Variants in PLEC observed in about 807,000 individuals in gnomAD.
PLEC encodes hemidesmosomal protein 1.
In PLEC, 216 loss-of-function variants were observed where a neutral mutation model predicts 392.8. That is an observed-to-expected ratio of 0.55 (90% CI 0.49 to 0.62). The LOEUF is 0.62. Among genes scored for constraint, PLEC ranks in the 20% least tolerant of loss-of-function variants. The probability of loss-of-function intolerance (pLI) is 0.00; values close to 1 mark genes in which losing one functional copy is unlikely to be tolerated. For synonymous variants in PLEC, 3,621 were observed against 2,980.6 expected (o/e 1.21, Z -7.00); for missense variants, 6,863 against 6,563.4 (o/e 1.05, Z -1.58).
Position 143,925,415 on chromosome 8 carries a change from T to C in PLEC, c.4514A>G (p.Asp1505Gly), listed in dbSNP as rs1293347940. The change falls in exon 31 of 32, where the codon GAC becomes GGC. Residue 1505 changes from aspartate (D) to glycine (G), a missense_variant. Transcript: ENST00000345136. ...EAERLRRQVQ[D>G]ESQRKRQAEV... is the part of the protein sequence containing the mutation. ...CGCCTGCCGCTTACGCTGGCTCTCG[T>C]CCTGCACCTGCCTCCGCAAGCGCTC... 1.3e-6 allele frequency: 2 copies of C among 1,593,458 alleles called. No homozygotes were observed. Among genetic ancestry groups the C allele is most frequent in the Non-Finnish European group, 1.7e-6 (2 of 1,177,272 alleles).
At chr8:143,955,429 C>G (rs111625088), upstream of PLEC, among the ~76,000 whole-genome samples, 6,606 of 152,212 alleles carry the variant, frequency 0.043, 500 homozygotes, top group African/African-American at 0.15. Flanking sequence ...TGCAGTGAGC[C>G]GAGATCGCGC....
Position 143,969,239 on chromosome 8 carries a change from G to A in PLEC, c.70+4164C>T, listed in dbSNP as rs1448884338. ...AGCCCTGACAGCGTCCCGGCAAGTC[G>A]AAGAGGCCAGACCCAGGGCCAGTAC... is the stretch of plus-strand genomic sequence containing the variant. On this transcript the variant is annotated intron_variant, in intron 1 of 31. Transcript: ENST00000356346. The surrounding 1 kb of genome is among the most constrained non-coding windows in gnomAD (Gnocchi z 5.1). Among the ~76,000 whole-genome samples the A allele has an allele frequency of 6.6e-6, 1 of 152,188 alleles. No homozygotes were observed. The highest frequency in any genetic ancestry group is 1.5e-5 in the Non-Finnish European group (1 of 68,040).
At chr8:143,931,002 G>A (rs1465975778) in intron 19 of PLEC, among the ~76,000 whole-genome samples, 14 of 152,174 alleles carry the variant, frequency 9.2e-5, no homozygotes, top group South Asian at 8.3e-4. Flanking sequence ...CTGTGCACCC[G>A]CCCTCCTGGG....
Position 143,920,533 on chromosome 8 carries a change from T to C in PLEC, c.9288A>G (p.Leu3096=), listed in dbSNP as rs782397500. 51 of 1,611,428 alleles carry C rather than the reference T, an allele frequency of 3.2e-5. No individual in the cohort carries two copies. The highest frequency in any genetic ancestry group is 4.1e-5 in the Non-Finnish European group (48 of 1,179,618). Reference sequence around the variant, plus strand: ...ACCCTGTCACAGCCTTCTCGGCTGATAGCAGCTTCTCATGAAACTCGGGGC... The same window carrying C: ...ACCCTGTCACAGCCTTCTCGGCTGACAGCAGCTTCTCATGAAACTCGGGGC... The part of the protein sequence containing the change: ...LVGPEFHEKL[L]SAEKAVTGYR... The change falls in exon 32 of 32, where the codon CTA becomes CTG. Residue 3096 remains leucine, a synonymous_variant. Coordinates refer to ENST00000345136, the MANE Select transcript of PLEC (RefSeq NM_201384.3).
At chr8:143,950,530 G>A (rs1554735616) in exon 1 of PLEC, 1 of 1,607,422 alleles carries the variant, frequency 6.2e-7, no homozygotes, top group Non-Finnish European at 8.5e-7. Context: ...CGCGGACCAG[G>A]CCCCGTGCCC....
In PLEC at chr8:143,917,386, G is replaced by A; in HGVS notation, c.12435C>T (p.Asp4145=). The A allele has an allele frequency of 1.9e-6, 3 of 1,611,790 alleles. No homozygotes were observed. Among genetic ancestry groups the A allele is most frequent in the African/African-American group, 2.7e-5 (2 of 75,034 alleles). The change falls in exon 32 of 32, where the codon GAC becomes GAT. Residue 4145 remains aspartate, a synonymous_variant. Coordinates refer to ENST00000345136, the MANE Select transcript of PLEC (RefSeq NM_201384.3). ...CTGACATCTCCTTGCCCGTCTCGGG[G>A]TCCACGATGACCACTCGGCGCTTGC... ...SVRKRRVVIV[D]PETGKEMSVY...
In PLEC at chr8:143,973,513, C is replaced by G; in HGVS notation, c.-41G>C. On this transcript the variant is annotated 5_prime_UTR_variant, in exon 1 of 32. Coordinates refer to the PLEC transcript ENST00000356346. The surrounding 1 kb of genome is among the most constrained non-coding windows in gnomAD (Gnocchi z 5.6). ...GCGCGGGGTGCAGCGGAGCCTCCAG[C>G]ACCCGGCGGCCACTCTGTCCCCGCG... The G allele has an allele frequency of 7.4e-7, 1 of 1,345,470 alleles. No homozygotes were observed. Among genetic ancestry groups the G allele is most frequent in the South Asian group, 1.7e-5 (1 of 57,694 alleles). The allele number at this position is 1,345,470 out of a possible 1,614,324, so 83.3% of individuals were successfully genotyped here.
At chr8:143,931,205 T>C (rs1317936305) in intron 19 of PLEC, among the ~76,000 whole-genome samples, 3 of 152,204 alleles carry the variant, frequency 2.0e-5, no homozygotes, top group Non-Finnish European at 2.9e-5. Context: ...CCACTCACTC[T>C]GTGGCTATGG....
chr8:143,930,723 G>A (rs1177201846), intron 19 of PLEC, among the ~76,000 whole-genome samples, 187 bp from the exon 20 acceptor site: 50 of 152,048 alleles, frequency 3.3e-4, no homozygotes, highest in Admixed American at 3.1e-3. Flanking sequence ...ATGCACCCTC[G>A]CTCCTTCCCA....
intron 1 of PLEC, among the ~76,000 whole-genome samples, chr8:143,961,869 T>C (rs1280363350): frequency 2.0e-5 from 3 of 152,204 alleles, no homozygotes; most frequent in Non-Finnish European, 4.4e-5. Flanking sequence ...CTTGCTCTTG[T>C]AGCCCAGGTT....
At chr8:143,956,897 G>A (rs1832625465), upstream of PLEC, among the ~76,000 whole-genome samples, 1 of 152,228 alleles carries the variant, frequency 6.6e-6, no homozygotes, top group Non-Finnish European at 1.5e-5. Flanking sequence ...CTGCACGTCA[G>A]TCAGCTCTGT....
In PLEC at chr8:143,925,890, G is replaced by C. The variant is rs1554704507; in HGVS notation, c.4045-6C>G. ...CGCTGCTGCTCAGCCAGCCTCTGTGGCCACAGCAGAGAGAAGAAGAGAAGC... is the reference window on the plus strand; with the variant it reads ...CGCTGCTGCTCAGCCAGCCTCTGTGCCCACAGCAGAGAGAAGAAGAGAAGC... On this transcript the variant is annotated splice_region_variant and splice_polypyrimidine_tract_variant and intron_variant, in intron 30 of 31. Transcript: ENST00000345136. The C allele has an allele frequency of 6.5e-7, 1 of 1,540,370 alleles. No homozygotes were observed. Among genetic ancestry groups the C allele is most frequent in the East Asian group, 2.4e-5 (1 of 41,678 alleles).
At chr8:143,931,226 G>A (rs533232439) in intron 19 of PLEC, among the ~76,000 whole-genome samples, 42 of 152,220 alleles carry the variant, frequency 2.8e-4, no homozygotes, top group Admixed American at 1.7e-3. Flanking sequence ...AGATGGGGGC[G>A]GCCCGGCTTG....
rs369277699 is a variant in PLEC, at chr8:143,924,431, C to T, written c.5498G>A (p.Arg1833Gln). The change falls in exon 31 of 32, where the codon CGG becomes CAG. Residue 1833 changes from arginine to glutamine, a missense_variant. Physicochemically the swap from Arg to Gln is conservative, Grantham distance 43. Coordinates refer to ENST00000345136, the MANE Select transcript of PLEC (RefSeq NM_201384.3). ...DAARQRAEAE[R>Q]VLAEKLAAIG... ...GGCGGCCAGCTTCTCCGCAAGCACC[C>T]GCTCCGCCTCGGCCCGCTGCCGCGC... 1.6e-4 allele frequency: 258 copies of T among 1,581,648 alleles called. 3 individuals are homozygous for T. The highest frequency in any genetic ancestry group is 1.4e-3 in the South Asian group (123 of 89,222).
rs782015257 is a variant in PLEC at position 143,925,716 on chromosome 8, C to T, written c.4213G>A (p.Glu1405Lys). The change falls in exon 31 of 32, where the codon GAG becomes AAG. Residue 1405 changes from glutamate (E) to lysine (K), a missense_variant. Coordinates refer to ENST00000345136, the MANE Select transcript of PLEC (RefSeq NM_201384.3). ...TGCTGCGCGTCCACCGCCGCCTCCTCCCGCCGCACCACCTCCTCCTGCATG... is the reference window on the plus strand; with the variant it reads ...TGCTGCGCGTCCACCGCCGCCTCCTTCCGCCGCACCACCTCCTCCTGCATG... ...QRMQEEVVRR[E>K]EAAVDAQQQK... 12 of 1,595,096 alleles carry T rather than the reference C, an allele frequency of 7.5e-6. No homozygotes were observed. Among genetic ancestry groups the T allele is most frequent in the Non-Finnish European group, 5.1e-6 (6 of 1,177,872 alleles).
At position 143,930,482 on chromosome 8, in the gene PLEC, G is replaced by A. The variant is rs782306099; in HGVS notation, c.2359C>T (p.Arg787Trp). The A allele has an allele frequency of 2.4e-5, 39 of 1,593,408 alleles. No individual in the cohort carries two copies. The highest frequency in any genetic ancestry group is 1.7e-4 in the Middle Eastern group (1 of 6,058). The change falls in exon 20 of 32, where the codon CGG becomes TGG. Residue 787 changes from arginine (R) to tryptophan (W), a missense_variant. Transcript: ENST00000345136. ...TTCAGCTGCACGACGGCCTTGGCCC[G>A]CTTGGCCAGGCCTGAGAGGTGGCCC... ...YKGHLSGLAK[R>W]AKAVVQLKPR...
In PLEC at chr8:143,950,070, G is replaced by A. The variant is rs1477430256; in HGVS notation, c.523+114C>T. The A allele has an allele frequency of 6.7e-6, 9 of 1,344,972 alleles. No individual in the cohort carries two copies. In the African/African-American group the frequency reaches 1.2e-4, roughly 18 times the overall value. 83.3% of individuals were successfully genotyped at this position (1,344,972 alleles called of 1,614,324 possible). ...GGGGCCACCTGCTGGTGTGAGCGAC[G>A]CTCCGCAAGCCGGCTGACCACTCCA... On this transcript the variant is annotated intron_variant, in intron 1 of 31. Transcript: ENST00000322810.
rs1554722587 is a variant in PLEC at position 143,935,703 on chromosome 8, G to A, written c.602+145C>T. On this transcript the variant is annotated intron_variant, in intron 6 of 31. Coordinates refer to ENST00000345136, the MANE Select transcript of PLEC (RefSeq NM_201384.3). Reference sequence around the variant, plus strand: ...GGACACCAGGGTGGGGCTGGGCCCTGAACTCCACCACCCCGAGGCGGCCAG... The same window carrying A: ...GGACACCAGGGTGGGGCTGGGCCCTAAACTCCACCACCCCGAGGCGGCCAG... 1.1e-5 allele frequency: 9 copies of A among 856,582 alleles called. No homozygotes were observed. In the Admixed American group the frequency reaches 1.8e-4, roughly 17 times the overall value. The allele number at this position is 856,582 out of a possible 1,614,324, so 53.1% of individuals were successfully genotyped here. A position where few individuals can be genotyped will look rare whatever the true frequency, so the allele number is the denominator to read the frequency against.
chr8:143,935,926 T>C lies in PLEC; in HGVS notation c.524A>G (p.Tyr175Cys). 1 of 1,612,908 alleles carries C rather than the reference T, an allele frequency of 6.2e-7. No homozygotes were observed. The highest frequency in any genetic ancestry group is 8.5e-7 in the Non-Finnish European group (1 of 1,179,962). ...LLWSQRMVEG[Y>C]QGLRCDNFTS... ...GAAGTTGTCGCATCGCAGGCCCTGGTACCCCTCCACCATTCGCTGCGACCA... is the reference window on the plus strand; with the variant it reads ...GAAGTTGTCGCATCGCAGGCCCTGGCACCCCTCCACCATTCGCTGCGACCA... The change falls in exon 6 of 32, where the codon TAC becomes TGC. Residue 175 changes from tyrosine (Y) to cysteine (C), a missense_variant. Coordinates refer to ENST00000345136, the MANE Select transcript of PLEC (RefSeq NM_201384.3).
Sources: gnomAD v4.1 joint callset for allele counts (sites outside exome capture counted in the v4.1 genomes callset) on GRCh38, gnomAD v4.1.1 for gene constraint, Gnocchi (gnomAD v3.1) non-coding constraint, MANE v1.5 for transcripts, NCBI Gene and HGNC (gene_info 2026-07-23, HGNC 2026-07-21) for gene names.